Variants in ABCC10 observed in about 807,000 individuals in gnomAD.
ABCC10 encodes ATP binding cassette subfamily C member 10.
ABCC10 carries 110 observed loss-of-function variants against 143.2 expected under a neutral mutation model. The observed-to-expected ratio is 0.77, with a 90% CI of 0.66 to 0.90. The LOEUF (loss-of-function observed/expected upper bound fraction) is 0.90. Ranked by LOEUF, ABCC10 falls within the 40% of genes least tolerant of loss-of-function variation. The probability of loss-of-function intolerance (pLI) is 0.00; values close to 1 mark genes in which losing one functional copy is unlikely to be tolerated. For synonymous variants in ABCC10, 805 were observed against 846.7 expected (o/e 0.95, Z 0.85); for missense variants, 1,700 against 1,900.5 (o/e 0.89, Z 1.96).
At chr6:43,442,471 T>C (rs967118228) in intron 9 of ABCC10, among the ~76,000 whole-genome samples, 2 of 152,098 alleles carry the variant, frequency 1.3e-5, no homozygotes, top group Admixed American at 1.3e-4. Flanking sequence ...CTCGGGAGGC[T>C]GAGGCAGGAG....
chr6:43,448,322 C>CTG (rs1783350487), intron 18 of ABCC10, among the ~76,000 whole-genome samples: 2 of 152,186 alleles, frequency 1.3e-5, no homozygotes, highest in African/African-American at 4.8e-5. Context: ...GGAGGGTATA[C>CTG]AACCCTTCCT....
intron 11 of ABCC10, 25 bp from the exon 12 acceptor site, chr6:43,444,134 C>T (rs2127405300): frequency 6.2e-7 from 1 of 1,611,080 alleles, no homozygotes; most frequent in Non-Finnish European, 8.5e-7. Flanking sequence ...AAGCTTAATT[C>T]TTCCATGACC....
chr6:43,438,830 G>C (rs371780812), intron 8 of ABCC10, 35 bp downstream of exon 8: 1,362 of 1,609,130 alleles, frequency 8.5e-4, no homozygotes, highest in Non-Finnish European at 1.1e-3. Flanking sequence ...TTAGCTGCCT[G>C]TTTCTCCAGT....
At chr6:43,431,713 T>C in intron 2 of ABCC10, 4 of 722,424 alleles carry the variant, frequency 5.5e-6, no homozygotes, top group Non-Finnish European at 6.8e-6. Flanking sequence ...TTGTTTGTTA[T>C]TATACATGGA....
chr6:43,431,451 C>G (rs1490988650), intron 2 of ABCC10, among the ~76,000 whole-genome samples: 1 of 152,200 alleles, frequency 6.6e-6, no homozygotes, highest in Admixed American at 6.5e-5. Flanking sequence ...ACCTCCATCT[C>G]CCAGATTCAA....
chr6:43,441,904 G>T lies in ABCC10; in HGVS notation c.2170G>T (p.Val724Phe). 1.2e-6 allele frequency: 2 copies of T among 1,613,946 alleles called. No individual in the cohort carries two copies. Among genetic ancestry groups the T allele is most frequent in the South Asian group, 2.2e-5 (2 of 91,076 alleles). The change falls in exon 9 of 22, where the codon GTC becomes TTC. Residue 724 changes from valine to phenylalanine, a missense_variant. Transcript: ENST00000372530. ...CCAGACAGAGGTGGGGGAGAAGGGT[G>T]TCACCCTTAGCGGAGGACAGCGTGC... Reference protein sequence around the residue: ...GDQTEVGEKGVTLSGGQRARI... With the variant: ...GDQTEVGEKGFTLSGGQRARI...
intron 13 of ABCC10, 80 bp downstream of exon 13, chr6:43,445,018 C>G (rs1043048943): frequency 1.9e-6 from 3 of 1,580,146 alleles, no homozygotes; most frequent in South Asian, 2.3e-5. Context: ...GGCCGGTATT[C>G]CAGATGCTGT....
In ABCC10 at chr6:43,432,898, C is replaced by G. The variant is rs147818692; in HGVS notation, c.918C>G (p.Leu306=). 9.5e-4 allele frequency: 1,528 copies of G among 1,614,164 alleles called. 3 individuals carry two copies. The highest frequency in any genetic ancestry group is 1.2e-3 in the Non-Finnish European group (1,428 of 1,180,030). The change falls in exon 3 of 22, where the codon CTC becomes CTG. Residue 306 remains leucine (L), a synonymous_variant. Coordinates refer to ENST00000372530, the MANE Select transcript of ABCC10 (RefSeq NM_001198934.2). ...TMLGFSGPLL[L]SLLVGFLEEG... The stretch of plus-strand genomic sequence containing the variant: ...TGGGATTCTCAGGGCCCCTGTTGCT[C>G]TCCCTACTGGTGGGCTTCCTGGAAG...
In ABCC10 at chr6:43,443,629, CTGGACAGAG is replaced by C; in HGVS notation, c.2417-300_2417-292del. The C allele has an allele frequency of 2.5e-6, 1 of 398,130 alleles. No homozygotes were observed. Among genetic ancestry groups the C allele is most frequent in the Admixed American group, 3.7e-5 (1 of 27,336 alleles). The allele number at this position is 398,130 out of a possible 1,614,324, so 24.7% of individuals were successfully genotyped here. A position where few individuals can be genotyped will look rare whatever the true frequency, so the allele number is the denominator to read the frequency against. ...AGCTCTGCAGTAATGAGAAGTAACC[CTGGACAGAG>C]TGGCAGGCATAGCTCTGGCGGTCCT... On this transcript the variant is annotated intron_variant, in intron 10 of 21. Coordinates refer to ENST00000372530, the MANE Select transcript of ABCC10 (RefSeq NM_001198934.2). The surrounding 1 kb of genome is among the most constrained non-coding windows in gnomAD (Gnocchi z 4.2).
rs761578583 is a variant in ABCC10 at position 43,444,167 on chromosome 6, C to G, written c.2503C>G (p.Gln835Glu). 6.2e-6 allele frequency: 10 copies of G among 1,612,346 alleles called. No homozygotes were observed. Among genetic ancestry groups the G allele is most frequent in the Non-Finnish European group, 7.6e-6 (9 of 1,178,812 alleles). ...NGQESDSATAQSVQNPEKTKE... is the reference protein window; with the variant it reads ...NGQESDSATAESVQNPEKTKE... The stretch of plus-strand genomic sequence containing the variant: ...ACCCCTGATTCTCACAGCCACAGCC[C>G]AGTCAGTACAGAACCCAGAGAAAAC... The change falls in exon 12 of 22, where the codon CAG becomes GAG. Residue 835 changes from glutamine to glutamate, a missense_variant. Transcript: ENST00000372530.
intron 2 of ABCC10, among the ~76,000 whole-genome samples, chr6:43,431,570 C>T (rs774247491): frequency 6.6e-6 from 1 of 152,172 alleles, no homozygotes; most frequent in Non-Finnish European, 1.5e-5. Flanking sequence ...CCATGTTGGC[C>T]AGGCTGGTCT....
chr6:43,449,219 A>G lies in ABCC10; in HGVS notation c.4203+15A>G. On this transcript the variant is annotated intron_variant, in intron 20 of 21. Coordinates refer to ENST00000372530, the MANE Select transcript of ABCC10 (RefSeq NM_001198934.2). ...CAGATGCCAAGGTAAGGTGAGAGAAAGAGACATTAGAGAGGGCCAGGAAGA... is the reference window on the plus strand; with the variant it reads ...CAGATGCCAAGGTAAGGTGAGAGAAGGAGACATTAGAGAGGGCCAGGAAGA... 2.5e-6 allele frequency: 4 copies of G among 1,612,672 alleles called. No individual in the cohort carries two copies. The highest frequency in any genetic ancestry group is 3.4e-6 in the Non-Finnish European group (4 of 1,179,074).
At chr6:43,449,800 C>G (rs906488669) in intron 21 of ABCC10, 129 bp from the exon 22 acceptor site, 61 of 1,181,904 alleles carry the variant, frequency 5.2e-5, no homozygotes, top group Non-Finnish European at 6.3e-5. Context: ...TCCCCAGCAC[C>G]AAGCCAGGGG....
At position 43,428,150 on chromosome 6, in the gene ABCC10, A is replaced by T; in HGVS notation, c.161+11A>T. 6.6e-7 allele frequency: 1 copy of T among 1,520,748 alleles called. No homozygotes were observed. Among genetic ancestry groups the T allele is most frequent in the African/African-American group, 1.4e-5 (1 of 72,858 alleles). 94.2% of individuals were successfully genotyped at this position (1,520,748 alleles called of 1,614,324 possible). ...CTTGGGCACCCCGAGGTGGGTAGAG[A>T]CGGGCGCAAGGCATCTGTCCATGTG... On this transcript the variant is annotated intron_variant, in intron 2 of 21. Coordinates refer to ENST00000372530, the MANE Select transcript of ABCC10 (RefSeq NM_001198934.2).
chr6:43,448,446 G>C (rs1020202021), intron 18 of ABCC10, among the ~76,000 whole-genome samples: 1 of 152,160 alleles, frequency 6.6e-6, no homozygotes, highest in African/African-American at 2.4e-5. Flanking sequence ...TCTAAGCTGT[G>C]GTGGCCCTAC....
chr6:43,450,676 G>C, downstream of ABCC10: 2 of 1,613,968 alleles, frequency 1.2e-6, no homozygotes, highest in Non-Finnish European at 8.5e-7. The surrounding 1 kb of genome is among the most constrained non-coding windows in gnomAD (Gnocchi z 4.5). Flanking sequence ...CAGGGTCCAG[G>C]GGGGCAGACA....
chr6:43,443,203 G>A lies in ABCC10; in HGVS notation c.2416+44G>A, dbSNP rs1425493314. ...CCGTGTGAGGGAGGTGTCTGCCCAG[G>A]TCTGGCAGGGGATTGTGAAGTACAG... On this transcript the variant is annotated intron_variant, in intron 10 of 21. Coordinates refer to ENST00000372530, the MANE Select transcript of ABCC10 (RefSeq NM_001198934.2). The surrounding 1 kb of genome is among the most constrained non-coding windows in gnomAD (Gnocchi z 4.2). 1.3e-6 allele frequency: 2 copies of A among 1,527,228 alleles called. No homozygotes were observed. The highest frequency in any genetic ancestry group is 1.3e-5 in the South Asian group (1 of 79,510). The allele number at this position is 1,527,228 out of a possible 1,614,324, so 94.6% of individuals were successfully genotyped here.
Position 43,446,398 on chromosome 6 carries a change from A to C in ABCC10, c.3496A>C (p.Ile1166Leu). 1.1e-5 allele frequency: 17 copies of C among 1,612,780 alleles called. No individual in the cohort carries two copies. Among genetic ancestry groups the C allele is most frequent in the Non-Finnish European group, 1.4e-5 (17 of 1,179,864 alleles). ...QLMGAAVVSA[I>L]AGIALVQHQQ... ...CATGGGGGCGGCAGTGGTCAGCGCT[A>C]TCGCAGGCATCGCTCTGGTGCAGCA... Residue 1166 changes from isoleucine (I) to leucine (L), a missense_variant, in exon 16 of 22, where the codon ATC (isoleucine) becomes CTC (leucine). Physicochemically the swap from Ile to Leu is conservative, Grantham distance 5. Transcript: ENST00000372530.
Position 43,446,349 on chromosome 6 carries a change from G to A in ABCC10, c.3447G>A (p.Gln1149=). The A allele has an allele frequency of 1.2e-6, 2 of 1,613,934 alleles. No homozygotes were observed. The highest frequency in any genetic ancestry group is 1.7e-5 in the Admixed American group (1 of 60,010). ...AGTTTGCCACCAGTGCCACAATGCA[G>A]TGGCTGGACATTCGGCTACAGCTCA... The part of the protein sequence containing the change: ...RCQFATSATM[Q]WLDIRLQLMG... Residue 1149 remains glutamine, a synonymous_variant, in exon 16 of 22, where the codon CAG becomes CAA. Transcript: ENST00000372530.
Sources: gnomAD v4.1 joint callset for allele counts (sites outside exome capture counted in the v4.1 genomes callset) on GRCh38, gnomAD v4.1.1 for gene constraint, Gnocchi (gnomAD v3.1) non-coding constraint, MANE v1.5 for transcripts, NCBI Gene and HGNC (gene_info 2026-07-23, HGNC 2026-07-21) for gene names.